Variants in INTS7 observed in about 807,000 individuals in gnomAD.
INTS7 encodes the protein integrator complex subunit 7, also known as chromosome 1 open reading frame 73.
INTS7 carries 46 observed loss-of-function variants against 109.2 expected under a neutral mutation model. That is an observed-to-expected ratio of 0.42 (90% CI 0.33 to 0.54). INTS7 has a LOEUF of 0.54. INTS7 is among the 20% of genes least tolerant of loss of function. INTS7 has a pLI of 0.07. For missense variants in INTS7, 929 were observed against 1,132.4 expected (o/e 0.82, Z 2.58); for synonymous variants, 412 against 402.9 (o/e 1.02, Z -0.27).
At position 211,945,083 on chromosome 1, in the gene INTS7, C is replaced by A. The variant is rs58894487; in HGVS notation, c.2416-114G>T. On this transcript the variant is annotated intron_variant, in intron 18 of 19. Coordinates refer to ENST00000366994, the MANE Select transcript of INTS7 (RefSeq NM_015434.4). ...TAACAAATTCGATTGTGCACTCCCC[C>A]ACCCCCACAGGACCTGACTGTGCCA... The A allele has an allele frequency of 9.0e-3, 8,248 of 918,372 alleles. 458 individuals carry two copies. The African/African-American group carries it at 0.12, about 13-fold the overall frequency. 56.9% of individuals were successfully genotyped at this position (918,372 alleles called of 1,614,324 possible). A position where few individuals can be genotyped will look rare whatever the true frequency, so the allele number is the denominator to read the frequency against.
In INTS7 at chr1:211,981,120, A is replaced by C. The variant is rs1245877394; in HGVS notation, c.1203T>G (p.Asp401Glu). 6.2e-7 allele frequency: 1 copy of C among 1,612,942 alleles called. No homozygotes were observed. The highest frequency in any genetic ancestry group is 1.7e-5 in the Admixed American group (1 of 59,958). The change falls in exon 10 of 20, where the codon GAT (aspartate) becomes GAG (glutamate). Residue 401 changes from aspartate (D) to glutamate (E), a missense_variant. By Grantham distance (45) the Asp-to-Glu change is conservative. Coordinates refer to ENST00000366994, the MANE Select transcript of INTS7 (RefSeq NM_015434.4). Reference protein sequence around the residue: ...ESLLVLCSQDDSPGAQATLKI... With the variant: ...ESLLVLCSQDESPGAQATLKI... ...TTAAAGTGGCCTGAGCACCTGGACT[A>C]TCATCTTGACTACAAAGTACCAGTA...
intron 4 of INTS7, among the ~76,000 whole-genome samples, chr1:212,012,705 C>T (rs533052957): frequency 2.0e-5 from 3 of 152,264 alleles, no homozygotes; most frequent in Admixed American, 6.5e-5. Context: ...GATGTTTAAT[C>T]ATCATTTCCA....
At chr1:211,985,965 A>G (rs1664879199) in intron 8 of INTS7, among the ~76,000 whole-genome samples, 1 of 152,248 alleles carries the variant, frequency 6.6e-6, no homozygotes, top group Non-Finnish European at 1.5e-5. Context: ...TACGTTGTTT[A>G]TAAAGAAGGC....
chr1:211,971,915 C>CAAAAAAAAAAAA (rs745814699), intron 13 of INTS7, among the ~76,000 whole-genome samples: 4 of 79,816 alleles, frequency 5.0e-5, no homozygotes, highest in African/African-American at 1.9e-4. Flanking sequence ...AACTCAGTCT[C>CAAAAAAAAAAAA]AAAAAAAAAA....
At chr1:212,030,504 G>C (rs1667110456) in intron 1 of INTS7, among the ~76,000 whole-genome samples, 1 of 152,082 alleles carries the variant, frequency 6.6e-6, no homozygotes, top group Admixed American at 6.6e-5. Context: ...GGGCAGGCTG[G>C]TCTCGAACTC....
At chr1:212,010,708 C>A (rs1461454484) in intron 5 of INTS7, among the ~76,000 whole-genome samples, 1 of 152,170 alleles carries the variant, frequency 6.6e-6, no homozygotes, top group East Asian at 1.9e-4. Context: ...ATATACAAAT[C>A]ATTTTGTTAC....
At chr1:212,013,806 G>A (rs948012142) in intron 4 of INTS7, among the ~76,000 whole-genome samples, 3 of 152,096 alleles carry the variant, frequency 2.0e-5, no homozygotes, top group Non-Finnish European at 4.4e-5. Context: ...TTACAGCCTG[G>A]GGCAACAGGC....
chr1:212,029,539 G>A (rs2102504390), intron 1 of INTS7, among the ~76,000 whole-genome samples: 1 of 152,296 alleles, frequency 6.6e-6, no homozygotes, highest in Non-Finnish European at 1.5e-5. Context: ...CTCTTGCAAG[G>A]GAAACTAGGA....
chr1:211,975,496 TCCTCA>T (rs1447268288), intron 12 of INTS7, 124 bp from the exon 13 acceptor site: 3 of 673,018 alleles, frequency 4.5e-6, no homozygotes, highest in East Asian at 2.6e-5. Context: ...GAACAATCAT[TCCTCA>T]TATTATGTAA....
chr1:211,999,450 TG>T (rs1199075983), intron 7 of INTS7, among the ~76,000 whole-genome samples: 1 of 152,110 alleles, frequency 6.6e-6, no homozygotes, highest in Non-Finnish European at 1.5e-5. Flanking sequence ...TGTCAGGGGT[TG>T]GGGAAAGGAC....
intron 2 of INTS7, among the ~76,000 whole-genome samples, chr1:212,020,567 T>C (rs1301926030): frequency 6.6e-6 from 1 of 152,172 alleles, no homozygotes; most frequent in African/African-American, 2.4e-5. Context: ...TCAGACGGTC[T>C]TTCTCTTCTC....
chr1:212,019,671 A>G (rs537721738), intron 3 of INTS7, among the ~76,000 whole-genome samples: 1 of 152,346 alleles, frequency 6.6e-6, no homozygotes, highest in South Asian at 2.1e-4. Context: ...GAAAGAAAAG[A>G]AAAAGCTAAA....
chr1:211,958,221 A>G (rs1042119835), intron 16 of INTS7, among the ~76,000 whole-genome samples: 13 of 151,922 alleles, frequency 8.6e-5, no homozygotes, highest in African/African-American at 3.1e-4. Context: ...AATTTATCAG[A>G]TTTTTTCTGA....
intron 5 of INTS7, among the ~76,000 whole-genome samples, chr1:212,010,145 C>T (rs748573079): frequency 2.4e-4 from 37 of 152,130 alleles, no homozygotes; most frequent in Non-Finnish European, 4.7e-4. Flanking sequence ...TCCTGTAAAA[C>T]GAACATAATG....
In INTS7 at chr1:211,953,794, C is replaced by T. The variant is rs1337723110; in HGVS notation, c.2184-1093G>A. ...ATGTGCCACATTTTCTTAATCCAGT[C>T]TATCGTTGTTGGACATTTGGGTTGG... is the stretch of plus-strand genomic sequence containing the variant. On this transcript the variant is annotated intron_variant, in intron 16 of 19. Transcript: ENST00000366994. 1.7e-4 allele frequency among the ~76,000 whole-genome samples: 26 copies of T among 151,428 alleles called. 1 individual carries two copies. The highest frequency in any genetic ancestry group is 6.3e-4 in the African/African-American group (26 of 41,236).
At chr1:211,976,006 G>T (rs1664402658) in intron 12 of INTS7, among the ~76,000 whole-genome samples, 1 of 151,794 alleles carries the variant, frequency 6.6e-6, no homozygotes, top group Admixed American at 6.6e-5. Context: ...TACTATGTCA[G>T]CCAGGCTGGT....
intron 12 of INTS7, 88 bp downstream of exon 12, chr1:211,976,494 G>A (rs1263271455): frequency 8.2e-7 from 1 of 1,215,772 alleles, no homozygotes; most frequent in Non-Finnish European, 1.1e-6. Context: ...TTTATTTTTA[G>A]TTTTGACTAC....
chr1:212,007,210 G>T, intron 6 of INTS7, 40 bp downstream of exon 6: 1 of 1,374,402 alleles, frequency 7.3e-7, no homozygotes, highest in Admixed American at 1.7e-5. Context: ...TAATATGTAA[G>T]TTTACCAAAG....
rs146444676 is a variant in INTS7, at chr1:212,021,628, T to A, written c.95-416A>T. On this transcript the variant is annotated intron_variant, in intron 1 of 19. Coordinates refer to ENST00000366994, the MANE Select transcript of INTS7 (RefSeq NM_015434.4). ...GAAGGCTGGGAAAAGAAGGACTGCT[T>A]GAGCTCAGGAGTTCATGACCAGCCT... 1.1e-4 allele frequency among the ~76,000 whole-genome samples: 16 copies of A among 151,238 alleles called. No individual in the cohort carries two copies. In the East Asian group the frequency reaches 3.1e-3, roughly 29 times the overall value.
Sources: gnomAD v4.1 joint callset for allele counts (sites outside exome capture counted in the v4.1 genomes callset) on GRCh38, gnomAD v4.1.1 for gene constraint, MANE v1.5 for transcripts, NCBI Gene and HGNC (gene_info 2026-07-23, HGNC 2026-07-21) for gene names.